Variants in TMEM209 observed in about 807,000 individuals in gnomAD.
TMEM209 encodes the protein transmembrane protein 209, also known as testicular tissue protein Li 202.
Under a neutral mutation model 76.2 loss-of-function variants are expected in TMEM209, and 65 were observed. The ratio of observed to expected loss-of-function variants is 0.85; its 90% CI spans 0.70 to 1.05. The LOEUF (loss-of-function observed/expected upper bound fraction) is 1.05. Among genes scored for constraint, TMEM209 ranks in the 50% least tolerant of loss-of-function variants. The pLI, the probability that TMEM209 is intolerant of heterozygous loss-of-function variation, is 0.00. For synonymous variants in TMEM209, 239 were observed against 237.6 expected, an observed-to-expected ratio of 1.01 and a Z score of -0.06; for missense variants, 623 against 685.5, an observed-to-expected ratio of 0.91 and a Z score of 1.02.
intron 8 of TMEM209, chr7:130,181,940 C>A: frequency 2.5e-6 from 1 of 395,708 alleles, no homozygotes. Context: ...AACTAACTTA[C>A]ATTCCTTTTT....
intron 14 of TMEM209, among the ~76,000 whole-genome samples, chr7:130,168,336 C>G (rs1009599826): frequency 3.3e-5 from 5 of 152,136 alleles, no homozygotes; most frequent in African/African-American, 1.2e-4. Flanking sequence ...AGGAAATGCT[C>G]ACTGTAGCAT....
At chr7:130,174,043 T>C (rs776263407) in intron 11 of TMEM209, 104 bp from the exon 12 acceptor site, 7 of 754,202 alleles carry the variant, frequency 9.3e-6, no homozygotes, top group Non-Finnish European at 1.5e-5. Flanking sequence ...AATTAAAAAA[T>C]TTTTTCTCTG....
chr7:130,181,865 A>T (rs972031311), intron 8 of TMEM209, 146 bp from the exon 9 acceptor site: 2 of 606,154 alleles, frequency 3.3e-6, no homozygotes, highest in Non-Finnish European at 5.7e-6. Context: ...AGTGAAAGAG[A>T]ATGAAAGTAA....
chr7:130,178,562 C>A, intron 9 of TMEM209, 35 bp from the exon 10 acceptor site: 1 of 1,608,530 alleles, frequency 6.2e-7, no homozygotes, highest in South Asian at 1.1e-5. Context: ...ACTGATTATT[C>A]TAAAAGTGAG....
In TMEM209 at chr7:130,202,564, C is replaced by A. The variant is rs920853264; in HGVS notation, c.299G>T (p.Gly100Val). Reference sequence around the variant, plus strand: ...TTTCAACCCTAAAAGTGTTTGCTGTCCAGGACTAACAACCAGACTTGTTGG... The same window carrying A: ...TTTCAACCCTAAAAGTGTTTGCTGTACAGGACTAACAACCAGACTTGTTGG... ...VAPTSLVVSP[G>V]QQTLLGLKTA... The change falls in exon 4 of 15, where the codon GGA becomes GTA. Residue 100 changes from glycine to valine, a missense_variant. Coordinates refer to ENST00000397622, the MANE Select transcript of TMEM209 (RefSeq NM_032842.4). 41 of 1,613,482 alleles carry A rather than the reference C, an allele frequency of 2.5e-5. No homozygotes were observed. Among genetic ancestry groups the A allele is most frequent in the Non-Finnish European group, 3.5e-5 (41 of 1,179,730 alleles).
chr7:130,198,597 G>A (rs1183236629), intron 5 of TMEM209, among the ~76,000 whole-genome samples: 2 of 152,030 alleles, frequency 1.3e-5, no homozygotes, highest in Non-Finnish European at 2.9e-5. Context: ...GGTGATAAGA[G>A]TGAAACTCTG....
chr7:130,188,799 C>T, intron 6 of TMEM209, among the ~76,000 whole-genome samples: 1 of 152,052 alleles, frequency 6.6e-6, no homozygotes, highest in East Asian at 1.9e-4. Flanking sequence ...GACAAAGAGA[C>T]AAAGCAGCAT....
In TMEM209 at chr7:130,193,305, G is replaced by A. The variant is rs111834656; in HGVS notation, c.574-482C>T. ...TCACACCTATAATCCCAGCACTTTT[G>A]GAGGCTGAGGTGGGCGGATCACCTG... On this transcript the variant is annotated intron_variant, in intron 5 of 14. Transcript: ENST00000397622. 6.0e-4 allele frequency among the ~76,000 whole-genome samples: 91 copies of A among 152,280 alleles called. 1 individual carries two copies. The highest frequency in any genetic ancestry group is 2.0e-3 in the African/African-American group (82 of 41,556).
At position 130,201,855 on chromosome 7, in the gene TMEM209, TATAACC is replaced by T. The variant is rs764718176; in HGVS notation, c.562_567del (p.Gly188_Tyr189del). On this transcript the variant is annotated inframe_deletion, in exon 5 of 15. Transcript: ENST00000397622. Reference sequence around the variant, plus strand: ...CAAGAGAAGAGAGTCATTACCTTATTATAACCACTGACGGGCGAGTAGGTCACTCCA... The same window carrying T: ...CAAGAGAAGAGAGTCATTACCTTATTACTGACGGGCGAGTAGGTCACTCCA... 1 of 1,613,972 alleles carries T rather than the reference TATAACC, an allele frequency of 6.2e-7. No homozygotes were observed. The highest frequency in any genetic ancestry group is 1.7e-5 in the Admixed American group (1 of 60,004).
rs1435173805 is a variant in TMEM209 at position 130,204,076 on chromosome 7, A to G, written c.38T>C (p.Ile13Thr). ...QGEAHPSASL[I>T]DRTIKMRKET... ...TTTTCTCATCTTGATGGTTCTGTCA[A>G]TAAGGGAAGCACTAGGGTGTGCCTC... The change falls in exon 2 of 15, where the codon ATT (isoleucine) becomes ACT (threonine). Residue 13 changes from isoleucine to threonine, a missense_variant. By Grantham distance (89) the Ile-to-Thr change is moderately conservative. Coordinates refer to ENST00000397622, the MANE Select transcript of TMEM209 (RefSeq NM_032842.4). 6.8e-6 allele frequency: 11 copies of G among 1,612,782 alleles called. No individual in the cohort carries two copies. The highest frequency in any genetic ancestry group is 9.3e-6 in the Non-Finnish European group (11 of 1,179,354).
intron 9 of TMEM209, among the ~76,000 whole-genome samples, chr7:130,181,244 A>C (rs2116991287): frequency 6.6e-6 from 1 of 152,356 alleles, no homozygotes; most frequent in Non-Finnish European, 1.5e-5. Flanking sequence ...ATTCATATGA[A>C]ATATCCACAA....
rs777851764 is a variant in TMEM209, at chr7:130,181,658, A to C, written c.1085T>G (p.Met362Arg). Residue 362 changes from methionine to arginine, a missense_variant, in exon 9 of 15, where the codon ATG becomes AGG. Transcript: ENST00000397622. ...VQEIESVSTQ[M>R]RRMGCPELQI... is the part of the protein sequence containing the mutation. ...TAGCTCTGGACAACCCATTCGTCTC[A>C]TCTGTGTGCTGACAGACTCAATCTC... 6.2e-7 allele frequency: 1 copy of C among 1,612,682 alleles called. No individual in the cohort carries two copies.
chr7:130,172,035 A>T (rs1417005877), intron 13 of TMEM209, among the ~76,000 whole-genome samples: 1 of 152,094 alleles, frequency 6.6e-6, no homozygotes, highest in Non-Finnish European at 1.5e-5. Flanking sequence ...TCTGTCTCAA[A>T]AAAAGAGTAA....
At chr7:130,202,795 T>A in intron 3 of TMEM209, 132 bp from the exon 4 acceptor site, 1 of 1,104,730 alleles carries the variant, frequency 9.1e-7, no homozygotes, top group Non-Finnish European at 1.2e-6. Flanking sequence ...TAATGAATGT[T>A]ATGTGTAGGG....
Position 130,205,369 on chromosome 7 carries a change from G to C in TMEM209, c.3+4C>G. The C allele has an allele frequency of 6.2e-7, 1 of 1,613,800 alleles. No homozygotes were observed. The highest frequency in any genetic ancestry group is 2.2e-5 in the East Asian group (1 of 44,866). On this transcript the variant is annotated splice_donor_region_variant and intron_variant, in intron 1 of 14. Transcript: ENST00000397622. The stretch of plus-strand genomic sequence containing the variant: ...GAAGCACAAACACGACCCCGAAAAC[G>C]CACCATGTCCTCTGGCCGGAAAACG...
intron 5 of TMEM209, among the ~76,000 whole-genome samples, chr7:130,196,093 T>C (rs531659210): frequency 1.3e-5 from 2 of 152,248 alleles, no homozygotes; most frequent in South Asian, 4.1e-4. Context: ...TAATAACTTT[T>C]AGAAGATGGG....
At chr7:130,200,846 T>C (rs767547232) in intron 5 of TMEM209, among the ~76,000 whole-genome samples, 1 of 151,918 alleles carries the variant, frequency 6.6e-6, no homozygotes, top group Non-Finnish European at 1.5e-5. Flanking sequence ...GTGTAAATGT[T>C]TGGGAGGTCG....
At chr7:130,178,555 G>T (rs1476942263) in intron 9 of TMEM209, 28 bp from the exon 10 acceptor site, 7 of 1,610,122 alleles carry the variant, frequency 4.3e-6, no homozygotes, top group Non-Finnish European at 5.1e-6. Context: ...AGAGAACACT[G>T]ATTATTCTAA....
chr7:130,196,102 G>A (rs1449332091), intron 5 of TMEM209, among the ~76,000 whole-genome samples: 2 of 151,942 alleles, frequency 1.3e-5, no homozygotes. Context: ...TTAGAAGATG[G>A]GTAAAAGATA....
Sources: allele counts gnomAD v4.1 joint callset (sites outside exome capture counted in the v4.1 genomes callset), GRCh38; gene constraint gnomAD v4.1.1; transcripts MANE v1.5; gene names NCBI Gene and HGNC (gene_info 2026-07-23, HGNC 2026-07-21).